Variants in SYNE3 observed in about 807,000 individuals in gnomAD.
SYNE3 encodes nesprin-3.
In SYNE3, 100 loss-of-function variants were observed where a neutral mutation model predicts 111.2. The observed-to-expected ratio is 0.90, with a 90% CI of 0.77 to 1.06. The LOEUF is 1.06. Ranked by LOEUF, SYNE3 falls within the 50% of genes least tolerant of loss-of-function variation. SYNE3 has a pLI of 0.00. For synonymous variants in SYNE3, 547 were observed against 533.9 expected, an observed-to-expected ratio of 1.02 and a Z score of -0.34; for missense variants, 1,160 against 1,240.3, an observed-to-expected ratio of 0.94 and a Z score of 0.97.
At chr14:95,478,581 C>T (rs2139522688) in intron 1 of SYNE3, among the ~76,000 whole-genome samples, 1 of 152,340 alleles carries the variant, frequency 6.6e-6, no homozygotes, top group Non-Finnish European at 1.5e-5. Flanking sequence ...GCCAGCCTCC[C>T]ACAGCCATTG....
intron 1 of SYNE3, among the ~76,000 whole-genome samples, chr14:95,514,128 C>T (rs1890822929): frequency 6.6e-6 from 1 of 152,090 alleles, no homozygotes; most frequent in South Asian, 2.1e-4. Flanking sequence ...AAAGGGGTGA[C>T]CAGGAACCTG....
rs555039752 is a variant in SYNE3 at position 95,458,640 on chromosome 14, C to T, written c.628-1302G>A. Among the ~76,000 whole-genome samples, 21 of 152,350 alleles carry T rather than the reference C, an allele frequency of 1.4e-4. 1 individual carries two copies. In the South Asian group the frequency reaches 4.3e-3, roughly 32 times the overall value. ...ACAGCCTTCCTTCTGAGTTCCCAAA[C>T]CACTGGGATGCAACTTCATCACAGC... On this transcript the variant is annotated intron_variant, in intron 4 of 17. Coordinates refer to ENST00000682763, the MANE Select transcript of SYNE3 (RefSeq NM_152592.6).
intron 1 of SYNE3, among the ~76,000 whole-genome samples, chr14:95,514,595 C>T (rs374629300): frequency 3.9e-5 from 6 of 152,228 alleles, no homozygotes; most frequent in African/African-American, 1.4e-4. Flanking sequence ...TGAGGCCCTG[C>T]GAGGCAACAC....
intron 6 of SYNE3, among the ~76,000 whole-genome samples, 181 bp downstream of exon 6, chr14:95,455,196 G>A (rs1887336022): frequency 6.6e-6 from 1 of 152,164 alleles, no homozygotes; most frequent in South Asian, 2.1e-4. Context: ...TCTAGAAAAT[G>A]GGGATAAACA....
chr14:95,414,056 T>C lies in SYNE3; in HGVS notation c.*3770A>G, dbSNP rs1340195449. ...CTGAGGGCAGTCCCTCAGGGAAACA[T>C]TTGGATGCTCCGCTCTGGCCATGTC... On this transcript the variant is annotated 3_prime_UTR_variant, in exon 18 of 18. Coordinates refer to ENST00000682763, the MANE Select transcript of SYNE3 (RefSeq NM_152592.6). 2.6e-5 allele frequency: 4 copies of C among 152,098 alleles called. No individual in the cohort carries two copies. The allele number at this position is 152,098 out of a possible 1,614,324, so 9.4% of individuals were successfully genotyped here.
intron 2 of SYNE3, among the ~76,000 whole-genome samples, chr14:95,468,303 G>A (rs935798855): frequency 3.3e-5 from 5 of 152,314 alleles, no homozygotes; most frequent in South Asian, 2.1e-4. Flanking sequence ...AGTATTAATC[G>A]TATCTATCTC....
At chr14:95,491,773 TAAA>T (rs34866057) in intron 1 of SYNE3, among the ~76,000 whole-genome samples, 7 of 136,838 alleles carry the variant, frequency 5.1e-5, no homozygotes, top group African/African-American at 1.3e-4. Flanking sequence ...GCAAAAATGT[TAAA>T]AAAAAAAAAA....
At chr14:95,432,962 G>T (rs1178717917) in intron 16 of SYNE3, among the ~76,000 whole-genome samples, 1 of 152,082 alleles carries the variant, frequency 6.6e-6, no homozygotes, top group Admixed American at 6.6e-5. Context: ...TGAATGGGAC[G>T]GTGCACACAG....
chr14:95,446,931 C>T (rs1886754699), intron 8 of SYNE3, among the ~76,000 whole-genome samples: 1 of 152,194 alleles, frequency 6.6e-6, no homozygotes, highest in Non-Finnish European at 1.5e-5. Flanking sequence ...AGGTAAGCAC[C>T]TCTTGCATTT....
chr14:95,460,500 C>T (rs372159405), intron 4 of SYNE3, among the ~76,000 whole-genome samples: 3 of 151,518 alleles, frequency 2.0e-5, no homozygotes, highest in East Asian at 1.9e-4. Context: ...GGATTACAGG[C>T]GTGAGCCACC....
chr14:95,502,702 C>T (rs1182469720), intron 1 of SYNE3, among the ~76,000 whole-genome samples: 4 of 152,206 alleles, frequency 2.6e-5, no homozygotes, highest in Admixed American at 6.5e-5. Flanking sequence ...CAGGAACTCA[C>T]CTCTGGCATT....
At chr14:95,483,767 C>T (rs1433503886) in intron 1 of SYNE3, among the ~76,000 whole-genome samples, 1 of 152,174 alleles carries the variant, frequency 6.6e-6, no homozygotes, top group African/African-American at 2.4e-5. Context: ...CAGACAGAGG[C>T]TTGGCAGGTT....
Position 95,433,365 on chromosome 14 carries a change from G to A in SYNE3, c.2583C>T (p.Asn861=), listed in dbSNP as rs1362090662. Residue 861 remains asparagine (N), a synonymous_variant, in exon 16 of 18, where the codon AAC becomes AAT. Transcript: ENST00000682763. ...CCCTTGCTGGCCCGAGACGAAGGAG[G>A]TTCTCAAAGAGATGCTGACCTTCTG... ...RVPEGQHLFE[N]LLRLGPARGT... 35 of 1,614,034 alleles carry A rather than the reference G, an allele frequency of 2.2e-5. No individual in the cohort carries two copies. The highest frequency in any genetic ancestry group is 3.0e-5 in the Non-Finnish European group (35 of 1,180,034).
intron 3 of SYNE3, among the ~76,000 whole-genome samples, chr14:95,466,682 T>A (rs8013007): frequency 0.7 from 105,648 of 151,832 alleles, 36,994 homozygotes; most frequent in African/African-American, 0.76. Context: ...ACCCACTAAT[T>A]TTAGGAGCAG....
At position 95,455,543 on chromosome 14, in the gene SYNE3, C is replaced by G; in HGVS notation, c.971G>C (p.Arg324Pro). 1.2e-6 allele frequency: 2 copies of G among 1,614,000 alleles called. No individual in the cohort carries two copies. Among genetic ancestry groups the G allele is most frequent in the East Asian group, 2.2e-5 (1 of 44,880 alleles). The change falls in exon 6 of 18, where the codon CGG becomes CCG. Residue 324 changes from arginine to proline, a missense_variant. Arg to Pro is a moderately radical substitution (Grantham distance 103). Coordinates refer to ENST00000682763, the MANE Select transcript of SYNE3 (RefSeq NM_152592.6). ...GGCTCCCCTGGACCGGAGCAGGCCC[C>G]GCAGCCGCTCCTCCTCCTCCTCCCA... ...ALWEEEEERLRGLLRSRGAWE... is the reference protein window; with the variant it reads ...ALWEEEEERLPGLLRSRGAWE...
intron 4 of SYNE3, among the ~76,000 whole-genome samples, chr14:95,464,256 T>C (rs529078592): frequency 1.3e-5 from 2 of 152,316 alleles, no homozygotes; most frequent in East Asian, 1.9e-4. Flanking sequence ...GATATTCCCA[T>C]GGGCCAGAAG....
In SYNE3 at chr14:95,415,531, G is replaced by A. The variant is rs1903553717; in HGVS notation, c.*2295C>T. On this transcript the variant is annotated 3_prime_UTR_variant, in exon 18 of 18. Coordinates refer to ENST00000682763, the MANE Select transcript of SYNE3 (RefSeq NM_152592.6). ...CTTTTTGAACTTTTCATCCCCTGTA[G>A]TTGCCAATTCTGCATGTACTAGTCT... is the stretch of plus-strand genomic sequence containing the variant. 6.6e-6 allele frequency: 1 copy of A among 152,124 alleles called. No homozygotes were observed. Among genetic ancestry groups the A allele is most frequent in the Admixed American group, 6.5e-5 (1 of 15,278 alleles). The allele number at this position is 152,124 out of a possible 1,614,324, so 9.4% of individuals were successfully genotyped here.
intron 3 of SYNE3, 69 bp downstream of exon 3, chr14:95,467,726 C>T: frequency 6.3e-7 from 1 of 1,583,132 alleles, no homozygotes; most frequent in Admixed American, 1.8e-5. Flanking sequence ...GGGCAGAGGG[C>T]CCAAGCTAGT....
At chr14:95,425,343 T>C (rs777672429) in intron 17 of SYNE3, among the ~76,000 whole-genome samples, 2 of 151,902 alleles carry the variant, frequency 1.3e-5, no homozygotes, top group Non-Finnish European at 2.9e-5. Flanking sequence ...AAGAAGTCAG[T>C]CTGAAAGGCT....
Sources: gnomAD v4.1 joint callset for allele counts (sites outside exome capture counted in the v4.1 genomes callset) on GRCh38, gnomAD v4.1.1 for gene constraint, MANE v1.5 for transcripts, NCBI Gene and HGNC (gene_info 2026-07-23, HGNC 2026-07-21) for gene names.